The following PDSS2 variants were observed in gnomAD, a reference collection of about 807,000 sequenced individuals.
PDSS2 encodes the protein all trans-polyprenyl-diphosphate synthase PDSS2.
A neutral mutation model predicts 44.5 loss-of-function variants in PDSS2; 31 were observed. The observed-to-expected ratio is 0.70, with a 90% CI of 0.52 to 0.94. The LOEUF (loss-of-function observed/expected upper bound fraction) is 0.94, where lower values mean the gene tolerates loss of function less well. Among genes scored for constraint, PDSS2 ranks in the 40% least tolerant of loss-of-function variants. The pLI is 0.00. For missense variants in PDSS2, 452 were observed against 482.2 expected (o/e 0.94, Z 0.59); for synonymous variants, 157 against 180.3 (o/e 0.87, Z 1.03).
chr6:107,232,238 T>G lies in PDSS2; in HGVS notation c.702+13310A>C, dbSNP rs144722387. On this transcript the variant is annotated intron_variant, in intron 4 of 7. Coordinates refer to ENST00000369037, the MANE Select transcript of PDSS2 (RefSeq NM_020381.4). ...CACCTTCATGTTTATACTACATATA[T>G]TTTCATAACACCTGTCTGCCCCTCT... Among the ~76,000 whole-genome samples the G allele has an allele frequency of 2.7e-3, 413 of 152,284 alleles. 4 individuals carry two copies. The highest frequency in any genetic ancestry group is 8.9e-3 in the African/African-American group (368 of 41,550).
At chr6:107,405,578 T>C (rs967881346) in intron 1 of PDSS2, among the ~76,000 whole-genome samples, 1 of 152,066 alleles carries the variant, frequency 6.6e-6, no homozygotes, top group African/African-American at 2.4e-5. Context: ...CCGGGCGCGG[T>C]GGCTCACGCC....
At chr6:107,207,042 G>C (rs1269802524) in intron 6 of PDSS2, among the ~76,000 whole-genome samples, 2 of 150,180 alleles carry the variant, frequency 1.3e-5, no homozygotes, top group African/African-American at 2.5e-5. Context: ...GCCCAGGCTC[G>C]AGTGCAGTGG....
chr6:107,166,169 C>T (rs1339948323), intron 7 of PDSS2, among the ~76,000 whole-genome samples: 51 of 152,006 alleles, frequency 3.4e-4, no homozygotes, highest in African/African-American at 1.2e-3. Context: ...CTTTCTCCTG[C>T]CTGATTGCCC....
intron 7 of PDSS2, among the ~76,000 whole-genome samples, chr6:107,158,249 G>C (rs921152905): frequency 6.7e-6 from 1 of 150,054 alleles, no homozygotes; most frequent in Non-Finnish European, 1.5e-5. Flanking sequence ...GCAGTGGCGC[G>C]ATTGTGGCTC....
intron 7 of PDSS2, among the ~76,000 whole-genome samples, chr6:107,169,182 CCT>C (rs1771470434): frequency 6.6e-6 from 1 of 151,926 alleles, no homozygotes; most frequent in African/African-American, 2.4e-5. Flanking sequence ...GTTTATTTTT[CCT>C]CTTTTTTCTC....
In PDSS2 at chr6:107,385,741, T is replaced by C. The variant is rs534987234; in HGVS notation, c.297-51409A>G. Among the ~76,000 whole-genome samples, 35 of 147,646 alleles carry C rather than the reference T, an allele frequency of 2.4e-4. No homozygotes were observed. The South Asian group carries it at 2.8e-3, about 12-fold the overall frequency. On this transcript the variant is annotated intron_variant, in intron 1 of 7. Coordinates refer to ENST00000369037, the MANE Select transcript of PDSS2 (RefSeq NM_020381.4). ...TGAACATCTTTTTTTTTCTCTCTCT[T>C]TTTTTTTTTAAATAAAATAGGCAAT... is the stretch of plus-strand genomic sequence containing the variant.
intron 3 of PDSS2, among the ~76,000 whole-genome samples, chr6:107,272,050 C>T (rs926697246): frequency 2.4e-4 from 35 of 148,762 alleles, no homozygotes; most frequent in African/African-American, 8.7e-4. Context: ...GAGTAAGACC[C>T]TGTCTCAAAA....
intron 1 of PDSS2, among the ~76,000 whole-genome samples, chr6:107,398,419 G>T (rs898661851): frequency 2.1e-4 from 32 of 152,086 alleles, no homozygotes; most frequent in African/African-American, 7.7e-4. Flanking sequence ...TGTTTTAAAA[G>T]TAATAAATAT....
At chr6:107,290,670 C>T (rs528637073) in intron 2 of PDSS2, among the ~76,000 whole-genome samples, 1 of 152,332 alleles carries the variant, frequency 6.6e-6, no homozygotes, top group East Asian at 1.9e-4. Context: ...CTGGACTGCA[C>T]TCGGCTTATG....
intron 6 of PDSS2, among the ~76,000 whole-genome samples, chr6:107,206,261 C>T (rs547492867): frequency 2.1e-4 from 32 of 152,174 alleles, no homozygotes; most frequent in East Asian, 1.7e-3. Context: ...TAGTACAGAC[C>T]GGGTTTCACC....
chr6:107,313,546 T>G lies in PDSS2; in HGVS notation c.431+20652A>C, dbSNP rs909319730. Among the ~76,000 whole-genome samples the G allele has an allele frequency of 1.8e-4, 27 of 152,084 alleles. No homozygotes were observed. The South Asian group carries it at 2.7e-3, about 15-fold the overall frequency. ...TTTTGTATTTTTAGTAGAGATGGGA[T>G]TTCACCGTGTCGGCCAGGCTGGTCT... is the stretch of plus-strand genomic sequence containing the variant. On this transcript the variant is annotated intron_variant, in intron 2 of 7. Coordinates refer to ENST00000369037, the MANE Select transcript of PDSS2 (RefSeq NM_020381.4).
chr6:107,156,517 G>A (rs567225125), intron 7 of PDSS2, among the ~76,000 whole-genome samples: 4 of 152,280 alleles, frequency 2.6e-5, no homozygotes, highest in African/African-American at 9.6e-5. Flanking sequence ...CTCTAAGTCA[G>A]AAACCCAGAC....
At chr6:107,435,566 C>T (rs1266143587) in intron 1 of PDSS2, among the ~76,000 whole-genome samples, 2 of 151,796 alleles carry the variant, frequency 1.3e-5, no homozygotes, top group Non-Finnish European at 2.9e-5. Flanking sequence ...AAAGACATAG[C>T]CTAAAGTTAG....
chr6:107,379,272 T>A (rs1284239635), intron 1 of PDSS2, among the ~76,000 whole-genome samples: 1 of 152,274 alleles, frequency 6.6e-6, no homozygotes, highest in Non-Finnish European at 1.5e-5. Context: ...TCAGGTCGTA[T>A]AACATTTCTG....
At chr6:107,352,985 C>T (rs572626115) in intron 1 of PDSS2, among the ~76,000 whole-genome samples, 14 of 152,120 alleles carry the variant, frequency 9.2e-5, no homozygotes, top group Non-Finnish European at 1.8e-4. Context: ...GCTTATAAAA[C>T]GCTAACTATA....
intron 2 of PDSS2, among the ~76,000 whole-genome samples, chr6:107,322,710 G>T (rs539457089): frequency 6.0e-4 from 91 of 152,026 alleles, no homozygotes; most frequent in African/African-American, 2.1e-3. Context: ...GCCAGGCATG[G>T]TACATGCACC....
At chr6:107,259,516 A>G (rs1775140725) in intron 3 of PDSS2, among the ~76,000 whole-genome samples, 1 of 152,046 alleles carries the variant, frequency 6.6e-6, no homozygotes, top group Non-Finnish European at 1.5e-5. Context: ...TACAAAAAAA[A>G]AGGAAAAAAT....
chr6:107,334,786 A>G (rs1420333125), intron 1 of PDSS2, among the ~76,000 whole-genome samples: 1 of 151,634 alleles, frequency 6.6e-6, no homozygotes, highest in Non-Finnish European at 1.5e-5. Context: ...GGACACAAGC[A>G]ATCTTTCTGC....
chr6:107,217,200 T>C (rs1773441910), intron 4 of PDSS2, among the ~76,000 whole-genome samples: 1 of 152,190 alleles, frequency 6.6e-6, no homozygotes, highest in Non-Finnish European at 1.5e-5. Context: ...CAATGCTCAA[T>C]GTTTAAGCAA....
Sources: allele counts gnomAD v4.1 joint callset (sites outside exome capture counted in the v4.1 genomes callset), GRCh38; gene constraint gnomAD v4.1.1; transcripts MANE v1.5; gene names NCBI Gene and HGNC (gene_info 2026-07-23, HGNC 2026-07-21).